The following RUBCN variants were observed in gnomAD, a reference collection of about 807,000 sequenced individuals.
RUBCN encodes the protein rubicon autophagy regulator, also known as run domain Beclin-1-interacting and cysteine-rich domain-containing protein.
Under a neutral mutation model 113.2 loss-of-function variants are expected in RUBCN, and 74 were observed. That is an observed-to-expected ratio of 0.65 (90% confidence interval 0.54 to 0.79). The LOEUF (loss-of-function observed/expected upper bound fraction) is 0.79. RUBCN is among the 30% of genes least tolerant of loss of function. The pLI is 0.00. For synonymous variants in RUBCN, 480 were observed against 490.0 expected (o/e 0.98, Z 0.27); for missense variants, 1,109 against 1,251.7 (o/e 0.89, Z 1.72).
intron 2 of RUBCN, among the ~76,000 whole-genome samples, chr3:197,706,007 T>C (rs1466688765): frequency 6.6e-6 from 1 of 152,200 alleles, no homozygotes; most frequent in Non-Finnish European, 1.5e-5. Flanking sequence ...ATTACAGGCA[T>C]GAGCCACCGT....
Position 197,675,556 on chromosome 3 carries a change from C to T in RUBCN, c.2647-41G>A, listed in dbSNP as rs1720285140. On this transcript the variant is annotated intron_variant, in intron 18 of 19. Coordinates refer to ENST00000296343, the MANE Select transcript of RUBCN (RefSeq NM_014687.4). The surrounding 1 kb of genome is among the most constrained non-coding windows in gnomAD (Gnocchi z 4.4). Reference sequence around the variant, plus strand: ...ACAGATGGCAAAATGAGGAGCGGCACATCAGGAACTGGCACGGGAGGGTGA... The same window carrying T: ...ACAGATGGCAAAATGAGGAGCGGCATATCAGGAACTGGCACGGGAGGGTGA... 1 of 1,482,686 alleles carries T rather than the reference C, an allele frequency of 6.7e-7. No individual in the cohort carries two copies. 91.8% of individuals were successfully genotyped at this position (1,482,686 alleles called of 1,614,324 possible). A position where few individuals can be genotyped will look rare whatever the true frequency, so the allele number is the denominator to read the frequency against.
At chr3:197,698,085 CCAA>C (rs1723211156) in intron 7 of RUBCN, among the ~76,000 whole-genome samples, 1 of 152,194 alleles carries the variant, frequency 6.6e-6, no homozygotes, top group African/African-American at 2.4e-5. Context: ...AACACAAACT[CCAA>C]CACGACCTTA....
Position 197,703,646 on chromosome 3 carries a change from A to T in RUBCN, c.472T>A (p.Phe158Ile). The change falls in exon 5 of 20, where the codon TTC becomes ATC. Residue 158 changes from phenylalanine to isoleucine, a missense_variant. Phe to Ile is a conservative substitution (Grantham distance 21). This residue lies in a region of RUBCN where 736 missense variants were observed against 779.6 expected (regional missense o/e 0.94). Coordinates refer to ENST00000296343, the MANE Select transcript of RUBCN (RefSeq NM_014687.4). ...YIRKFYTDAAFLLSDAHVTAM... is the reference protein window; with the variant it reads ...YIRKFYTDAAILLSDAHVTAM... ...GTGACATGAGCGTCACTTAGCAGGA[A>T]GGCAGCATCTGGGGAGAGAAAAGCT... is the stretch of plus-strand genomic sequence containing the variant. The T allele has an allele frequency of 6.2e-7, 1 of 1,612,774 alleles. No homozygotes were observed. The highest frequency in any genetic ancestry group is 8.5e-7 in the Non-Finnish European group (1 of 1,178,962).
In RUBCN at chr3:197,704,558, G is replaced by T; in HGVS notation, c.447C>A (p.Ile149=). 2 of 1,614,198 alleles carry T rather than the reference G, an allele frequency of 1.2e-6. No homozygotes were observed. Among genetic ancestry groups the T allele is most frequent in the Non-Finnish European group, 1.7e-6 (2 of 1,180,014 alleles). The change falls in exon 4 of 20, where the codon ATC becomes ATA. Residue 149 remains isoleucine (I), a synonymous_variant. Transcript: ENST00000296343. ...LRPLLGDRQY[I]RKFYTDAAFL... is the part of the protein sequence containing the mutation. ...TCTACCTACCTGTGTAGAATTTTCTGATATACTGTCTATCCCCGAGCAGGG... is the reference window on the plus strand; with the variant it reads ...TCTACCTACCTGTGTAGAATTTTCTTATATACTGTCTATCCCCGAGCAGGG...
At chr3:197,723,480 C>G (rs1481785291) in intron 1 of RUBCN, among the ~76,000 whole-genome samples, 1 of 152,182 alleles carries the variant, frequency 6.6e-6, no homozygotes, top group Non-Finnish European at 1.5e-5. Context: ...GCCACCATGC[C>G]AGGCCCATAA....
rs747564124 is a variant in RUBCN, at chr3:197,681,306, G to A, written c.2253C>T (p.His751=). ...TGGGGATGGCCATCTGGGCATTCTC[G>A]TGGCAGCACTGGCAGAAGTACTTGC... The part of the protein sequence containing the change: ...YLGKYFCQCC[H]ENAQMAIPSR... Residue 751 remains histidine (H), a synonymous_variant, in exon 16 of 20, where the codon CAC becomes CAT. Coordinates refer to ENST00000296343, the MANE Select transcript of RUBCN (RefSeq NM_014687.4). The surrounding 1 kb of genome is among the most constrained non-coding windows in gnomAD (Gnocchi z 5.5). 16 of 1,614,092 alleles carry A rather than the reference G, an allele frequency of 9.9e-6. No individual in the cohort carries two copies. The highest frequency in any genetic ancestry group is 1.6e-4 in the Middle Eastern group (1 of 6,084).
intron 1 of RUBCN, among the ~76,000 whole-genome samples, chr3:197,743,128 C>T (rs2109023766): frequency 1.3e-5 from 2 of 152,326 alleles, no homozygotes; most frequent in South Asian, 4.1e-4. Context: ...TTTAAACTTG[C>T]TAGCTGAGGC....
chr3:197,681,869 G>C lies in RUBCN; in HGVS notation c.2157C>G (p.Tyr719Ter), dbSNP rs1225724793. The C allele has an allele frequency of 6.2e-7, 1 of 1,613,978 alleles. No homozygotes were observed. Residue 719 changes from tyrosine to a stop codon, truncating the protein, a stop_gained, in exon 15 of 20, where the codon TAC (tyrosine) becomes TAG (stop). Transcript: ENST00000296343. LOFTEE classifies it high-confidence loss of function. The surrounding 1 kb of genome is among the most constrained non-coding windows in gnomAD (Gnocchi z 5.5). Reference protein sequence around the residue: ...TRKIAVAKQNYRCAGCGIRTD... With the variant: ...TRKIAVAKQN ...TCCGGATGCCACATCCTGCACAGCG[G>C]TAATTCTGCTTGGCCACGGCAATTT...
intron 1 of RUBCN, among the ~76,000 whole-genome samples, chr3:197,746,427 C>T (rs534977349): frequency 6.6e-6 from 1 of 152,276 alleles, no homozygotes; most frequent in Admixed American, 6.5e-5. Flanking sequence ...CAGGAAAAAG[C>T]AGAAGTTACA....
intron 1 of RUBCN, among the ~76,000 whole-genome samples, chr3:197,746,392 C>A (rs796123078): frequency 5.9e-5 from 9 of 152,256 alleles, no homozygotes; most frequent in African/African-American, 2.2e-4. Flanking sequence ...ATCTCTGGCA[C>A]GCCTCAATCA....
intron 7 of RUBCN, 42 bp from the exon 8 acceptor site, chr3:197,697,091 T>C (rs922104366): frequency 4.1e-6 from 4 of 971,876 alleles, no homozygotes; most frequent in Non-Finnish European, 6.7e-6. Flanking sequence ...ACATACGAAA[T>C]GAGCAACAGG....
Position 197,704,661 on chromosome 3 carries a change from C to A in RUBCN, c.344G>T (p.Gly115Val). 6.2e-7 allele frequency: 1 copy of A among 1,614,154 alleles called. No homozygotes were observed. The highest frequency in any genetic ancestry group is 1.3e-5 in the African/African-American group (1 of 75,040). ...CTCGGCAACAGCACGTTCACTGGCA[C>A]CATCAGCACTGCTCTGGTCGTTCTC... ...VHENDQSSAD[G>V]ASERAVAELW... Residue 115 changes from glycine (G) to valine (V), a missense_variant, in exon 4 of 20, where the codon GGT becomes GTT. Around this residue, in one of 3 missense-constraint regions of RUBCN, gnomAD observed 736 missense variants for 779.6 expected, o/e 0.94. Transcript: ENST00000296343.
upstream of RUBCN, among the ~76,000 whole-genome samples, chr3:197,739,548 T>C (rs1159259537): frequency 6.7e-6 from 1 of 148,324 alleles, no homozygotes; most frequent in African/African-American, 2.5e-5. Flanking sequence ...AACAAAAAAT[T>C]AGCCGGGCGT....
At chr3:197,699,954 A>G (rs1463998348) in intron 7 of RUBCN, among the ~76,000 whole-genome samples, 1 of 152,184 alleles carries the variant, frequency 6.6e-6, no homozygotes, top group Non-Finnish European at 1.5e-5. Context: ...AGCCTGCCGG[A>G]TACCACAAGC....
At position 197,675,022 on chromosome 3, in the gene RUBCN, G is replaced by T; in HGVS notation, c.2915C>A (p.Thr972Asn). ...GGAGGGCTGCACGTGCTTTCTTCAGGTGGCCTCCAGGACGGCGGCTTCCAG... is the reference window on the plus strand; with the variant it reads ...GGAGGGCTGCACGTGCTTTCTTCAGTTGGCCTCCAGGACGGCGGCTTCCAG... Reference protein sequence around the residue: ...LALEAAVLEAT With the variant: ...LALEAAVLEAN The change falls in exon 20 of 20, where the codon ACC (threonine) becomes AAC (asparagine). Residue 972 changes from threonine (T) to asparagine (N), a missense_variant. Around this residue, in one of 3 missense-constraint regions of RUBCN, gnomAD observed 306 missense variants for 348.9 expected, o/e 0.88. Transcript: ENST00000296343. The surrounding 1 kb of genome is among the most constrained non-coding windows in gnomAD (Gnocchi z 4.4). 1 of 1,612,004 alleles carries T rather than the reference G, an allele frequency of 6.2e-7. No individual in the cohort carries two copies. Among genetic ancestry groups the T allele is most frequent in the Non-Finnish European group, 8.5e-7 (1 of 1,179,864 alleles).
intron 18 of RUBCN, chr3:197,676,634 T>C: frequency 7.3e-7 from 1 of 1,369,786 alleles, no homozygotes; most frequent in Non-Finnish European, 9.4e-7. Flanking sequence ...AGTGAAAGTC[T>C]ACTCGGTCTT....
Position 197,703,669 on chromosome 3 carries a change from G to A in RUBCN, c.464-15C>T. On this transcript the variant is annotated splice_polypyrimidine_tract_variant and intron_variant, in intron 4 of 19. Coordinates refer to ENST00000296343, the MANE Select transcript of RUBCN (RefSeq NM_014687.4). ...GAAGGCAGCATCTGGGGAGAGAAAAGCTGCCACAGTGATAGAGCCCATCAG... is the reference window on the plus strand; with the variant it reads ...GAAGGCAGCATCTGGGGAGAGAAAAACTGCCACAGTGATAGAGCCCATCAG... 3.8e-6 allele frequency: 6 copies of A among 1,569,922 alleles called. No individual in the cohort carries two copies. The South Asian group carries it at 6.7e-5, about 17-fold the overall frequency.
At chr3:197,734,071 C>T (rs1007833832) in intron 1 of RUBCN, among the ~76,000 whole-genome samples, 10 of 152,022 alleles carry the variant, frequency 6.6e-5, no homozygotes, top group Admixed American at 4.6e-4. Context: ...GCCTGGCCAA[C>T]ATGGCGAAAC....
rs1350261040 is a variant in RUBCN at position 197,677,027 on chromosome 3, G to C, written c.2504C>G (p.Ser835Cys). The change falls in exon 18 of 20, where the codon TCC becomes TGC. Residue 835 changes from serine (S) to cysteine (C), a missense_variant. Around this residue, in one of 3 missense-constraint regions of RUBCN, gnomAD observed 306 missense variants for 348.9 expected, o/e 0.88. Transcript: ENST00000296343. ...TCRLAKELLD[S>C]FDTVPGHLTE... ...CAGGTGGCCTGGGACTGTGTCAAAG[G>C]AATCCAGAAGCCTACAGGGAGTGAC... is the stretch of plus-strand genomic sequence containing the variant. 1.2e-6 allele frequency: 2 copies of C among 1,613,602 alleles called. No homozygotes were observed. The highest frequency in any genetic ancestry group is 2.2e-5 in the South Asian group (2 of 91,048).
Sources: gnomAD v4.1 joint callset for allele counts (sites outside exome capture counted in the v4.1 genomes callset) on GRCh38, gnomAD v4.1.1 for gene constraint, gnomAD v4.1.1 regional missense constraint, Gnocchi (gnomAD v3.1) non-coding constraint, MANE v1.5 for transcripts, NCBI Gene and HGNC (gene_info 2026-07-23, HGNC 2026-07-21) for gene names.